RALYL: variants seen among roughly 807,000 people sequenced by gnomAD.
RALYL encodes the protein RALY RNA binding protein like, also known as RNA-binding Raly-like protein.
A neutral mutation model predicts 35.1 loss-of-function variants in RALYL; 29 were observed. The observed-to-expected ratio is 0.83, with a 90% CI of 0.61 to 1.13. The LOEUF is 1.13. Among genes scored for constraint, RALYL ranks in the 50% most tolerant of loss-of-function variants. The pLI is 0.00. For missense variants in RALYL, 359 were observed against 360.4 expected (o/e 1.00, Z 0.03); for synonymous variants, 120 against 127.6 (o/e 0.94, Z 0.40).
At chr8:84,637,684 G>A (rs939991487) in intron 2 of RALYL, among the ~76,000 whole-genome samples, 4 of 151,770 alleles carry the variant, frequency 2.6e-5, no homozygotes, top group African/African-American at 9.7e-5. Flanking sequence ...TGTTCTGGTG[G>A]CTATTTCTAG....
rs185423077 is a variant in RALYL at position 84,860,436 on chromosome 8, C to T, written c.414-1860C>T. The stretch of plus-strand genomic sequence containing the variant: ...CACTCAATAGTTTTGGGTGTTATAG[C>T]TCATGCAAAGTGCCTTTGTATTTTG... On this transcript the variant is annotated intron_variant, in intron 5 of 8. Coordinates refer to ENST00000521268, the MANE Select transcript of RALYL (RefSeq NM_173848.7). Among the ~76,000 whole-genome samples, 32 of 152,294 alleles carry T rather than the reference C, an allele frequency of 2.1e-4. No individual in the cohort carries two copies. In the East Asian group the frequency reaches 5.8e-3, roughly 27 times the overall value.
intron 4 of RALYL, chr8:84,829,398 T>G (rs1453784266): frequency 6.5e-6 from 1 of 154,804 alleles, no homozygotes; most frequent in Non-Finnish European, 1.5e-5. Context: ...GTGAAATAAC[T>G]GGAGCATATA....
chr8:84,422,995 T>A (rs1271826390), intron 1 of RALYL, among the ~76,000 whole-genome samples: 11 of 148,558 alleles, frequency 7.4e-5, no homozygotes, highest in Non-Finnish European at 1.5e-4. Context: ...GGAATAGGTG[T>A]GGTGTGGTGC....
intron 1 of RALYL, among the ~76,000 whole-genome samples, chr8:84,486,963 A>T (rs1419502510): frequency 6.6e-6 from 1 of 151,926 alleles, no homozygotes; most frequent in Non-Finnish European, 1.5e-5. Flanking sequence ...CCCAAGGGGG[A>T]GTTGCTGACC....
intron 1 of RALYL, among the ~76,000 whole-genome samples, chr8:84,382,415 T>A (rs2131619026): frequency 6.6e-6 from 1 of 151,876 alleles, no homozygotes; most frequent in Middle Eastern, 3.4e-3. Context: ...ATGCATCAAC[T>A]AAGCAGATTG....
At chr8:84,380,057 T>C (rs1857661610) in intron 1 of RALYL, among the ~76,000 whole-genome samples, 1 of 147,012 alleles carries the variant, frequency 6.8e-6, no homozygotes, top group Non-Finnish European at 1.5e-5. Context: ...CTTCTCAAAA[T>C]TGTGTGTGTG....
At chr8:84,430,299 C>A (rs771802275) in intron 1 of RALYL, among the ~76,000 whole-genome samples, 1 of 152,012 alleles carries the variant, frequency 6.6e-6, no homozygotes, top group Non-Finnish European at 1.5e-5. Flanking sequence ...TTTCCTCTAC[C>A]GTGCAGTAAT....
intron 1 of RALYL, among the ~76,000 whole-genome samples, chr8:84,235,630 T>C (rs16912578): frequency 0.1 from 15,347 of 152,228 alleles, 1,074 homozygotes; most frequent in African/African-American, 0.2. Flanking sequence ...TTAGCAGAGA[T>C]GCTAAAACCT....
At chr8:84,593,166 G>T (rs979294718) in intron 2 of RALYL, among the ~76,000 whole-genome samples, 10 of 151,930 alleles carry the variant, frequency 6.6e-5, no homozygotes, top group African/African-American at 2.4e-4. Flanking sequence ...CTTTCTGCTT[G>T]TATAGTCCCT....
At chr8:84,763,441 T>C (rs1813155882) in intron 2 of RALYL, among the ~76,000 whole-genome samples, 1 of 152,234 alleles carries the variant, frequency 6.6e-6, no homozygotes, top group Non-Finnish European at 1.5e-5. Flanking sequence ...TGTTCACTAA[T>C]GATGAATATA....
At chr8:84,248,885 G>C (rs1215601589) in intron 1 of RALYL, among the ~76,000 whole-genome samples, 1 of 152,094 alleles carries the variant, frequency 6.6e-6, no homozygotes, top group East Asian at 1.9e-4. Context: ...TCAGAGACTT[G>C]ATGTTTTAAA....
At chr8:84,608,880 G>A (rs984970527) in intron 2 of RALYL, among the ~76,000 whole-genome samples, 2 of 152,096 alleles carry the variant, frequency 1.3e-5, no homozygotes, top group Non-Finnish European at 2.9e-5. Context: ...CTGGGATTAC[G>A]ATGCTGCATA....
At chr8:84,463,691 T>G (rs1015384564) in intron 1 of RALYL, among the ~76,000 whole-genome samples, 7 of 152,122 alleles carry the variant, frequency 4.6e-5, no homozygotes, top group Admixed American at 6.6e-5. Context: ...TTGCCTTTTC[T>G]ACTTTCTAAT....
intron 1 of RALYL, among the ~76,000 whole-genome samples, chr8:84,363,211 A>G (rs1360727286): frequency 2.0e-5 from 3 of 152,174 alleles, no homozygotes; most frequent in Non-Finnish European, 4.4e-5. Context: ...AAGCCCCTAC[A>G]ACAAACTGGA....
At chr8:84,515,555 A>T (rs1283209416) in intron 1 of RALYL, among the ~76,000 whole-genome samples, 4 of 152,152 alleles carry the variant, frequency 2.6e-5, no homozygotes, top group Admixed American at 2.6e-4. Flanking sequence ...GATTCTCAAA[A>T]TTGTGCTCCT....
intron 2 of RALYL, among the ~76,000 whole-genome samples, chr8:84,682,519 C>G (rs1194417303): frequency 6.6e-6 from 1 of 152,124 alleles, no homozygotes; most frequent in Non-Finnish European, 1.5e-5. Flanking sequence ...AATTTCAGAG[C>G]CTGTTATTGG....
chr8:84,329,257 C>T (rs1586332572), intron 1 of RALYL, among the ~76,000 whole-genome samples: 3 of 152,094 alleles, frequency 2.0e-5, no homozygotes, highest in Non-Finnish European at 4.4e-5. Flanking sequence ...TCCACAGCCT[C>T]GCCAGCATCT....
chr8:84,426,438 C>CTGTGTGTGTG (rs71271987), intron 1 of RALYL, among the ~76,000 whole-genome samples: 66 of 136,084 alleles, frequency 4.8e-4, no homozygotes, highest in South Asian at 2.4e-3. Flanking sequence ...CTCTCTCTCT[C>CTGTGTGTGTG]TGTGTGTGTG....
At chr8:84,683,585 T>C (rs1836099352) in intron 2 of RALYL, among the ~76,000 whole-genome samples, 1 of 152,204 alleles carries the variant, frequency 6.6e-6, no homozygotes, top group Non-Finnish European at 1.5e-5. Flanking sequence ...ATACCAGATT[T>C]GCATGGTTAG....
Sources: gnomAD v4.1 joint callset for allele counts (sites outside exome capture counted in the v4.1 genomes callset) on GRCh38, gnomAD v4.1.1 for gene constraint, MANE v1.5 for transcripts, NCBI Gene and HGNC (gene_info 2026-07-23, HGNC 2026-07-21) for gene names.